EDA: variants seen among roughly 807,000 people sequenced by gnomAD.
EDA encodes ectodysplasin-A.
A neutral mutation model predicts 23.6 loss-of-function variants in EDA; 2 were observed. That is an observed-to-expected ratio of 0.08 (90% CI 0.03 to 0.27). The LOEUF is 0.27. Ranked by LOEUF, EDA falls within the 10% of genes least tolerant of loss-of-function variation. The pLI, the probability that EDA is intolerant of heterozygous loss-of-function variation, is 1.00. For missense variants in EDA, 229 were observed against 324.2 expected (o/e 0.71, Z 2.26); for synonymous variants, 131 against 132.0 (o/e 0.99, Z 0.05).
chrX:69,857,893 T>C (rs1451270773), intron 1 of EDA, among the ~76,000 whole-genome samples: 1 of 112,338 alleles, frequency 8.9e-6, no homozygotes, highest in African/African-American at 3.2e-5. Flanking sequence ...TTTGTTTGTG[T>C]ACTATGATTT....
intron 1 of EDA, among the ~76,000 whole-genome samples, chrX:69,824,100 G>C (rs2016331623): frequency 1.9e-5 from 2 of 103,161 alleles, no homozygotes; most frequent in South Asian, 9.2e-4. Context: ...GGTTACTGTA[G>C]CCTTGTAGTA....
intron 2 of EDA, among the ~76,000 whole-genome samples, chrX:70,007,487 C>T (rs897257886): frequency 3.6e-5 from 4 of 111,612 alleles, no homozygotes; most frequent in African/African-American, 9.8e-5. Flanking sequence ...GCACTCCTTT[C>T]GCCTGCCTCC....
chrX:69,909,458 G>A (rs139133879), intron 1 of EDA, among the ~76,000 whole-genome samples: 185 of 111,591 alleles, frequency 1.7e-3, no homozygotes, highest in African/African-American at 5.7e-3. Flanking sequence ...GTACCACCAC[G>A]CCCAGCATTT....
In EDA at chrX:70,038,503, G is replaced by T. The variant is rs999959521; in HGVS notation, c.*2894G>T. On this transcript the variant is annotated 3_prime_UTR_variant, in exon 8 of 8. Transcript: ENST00000374552. Reference sequence around the variant, plus strand: ...ATTTGTGGGCAAGCAGATGACAGAGGTTTGAAGGAGAATGGCATGGCAGGA... The same window carrying T: ...ATTTGTGGGCAAGCAGATGACAGAGTTTTGAAGGAGAATGGCATGGCAGGA... 1 of 110,863 alleles carries T rather than the reference G, an allele frequency of 9.0e-6. No homozygotes were observed. The allele number at this position is 110,863 out of a possible 1,213,427, so 9.1% of individuals were successfully genotyped here.
intron 1 of EDA, among the ~76,000 whole-genome samples, chrX:69,703,141 T>G (rs1034701375): frequency 1.8e-5 from 2 of 111,213 alleles, no homozygotes; most frequent in Non-Finnish European, 3.8e-5. Flanking sequence ...ATCAAATGGC[T>G]TAGAAGTGTC....
chrX:69,696,041 A>G (rs1379120363), intron 1 of EDA, among the ~76,000 whole-genome samples: 1 of 109,873 alleles, frequency 9.1e-6, no homozygotes, highest in Non-Finnish European at 1.9e-5. Flanking sequence ...GGATTTCGAG[A>G]CCAGCCTGAC....
chrX:69,655,451 T>G (rs1933275652), intron 1 of EDA, among the ~76,000 whole-genome samples: 1 of 109,918 alleles, frequency 9.1e-6, no homozygotes, highest in African/African-American at 3.3e-5. Context: ...AATCTTACAT[T>G]CCTATGCGGA....
chrX:69,788,906 C>T (rs1325428072), intron 1 of EDA, among the ~76,000 whole-genome samples: 45 of 112,722 alleles, frequency 4.0e-4, no homozygotes, highest in African/African-American at 1.3e-3. Flanking sequence ...TGCCGCCTTG[C>T]AGTTTGATCT....
intron 2 of EDA, among the ~76,000 whole-genome samples, chrX:70,016,756 G>A (rs2019956491): frequency 1.8e-5 from 2 of 111,677 alleles, no homozygotes; most frequent in African/African-American, 6.5e-5. Flanking sequence ...ACATCAAAAA[G>A]TTAGAAAGAT....
chrX:69,989,333 C>T (rs2147463646), intron 2 of EDA, among the ~76,000 whole-genome samples: 1 of 111,712 alleles, frequency 9.0e-6, no homozygotes, highest in Non-Finnish European at 1.9e-5. Flanking sequence ...AGTCAGTGCC[C>T]CACTTTGTTG....
Position 69,669,856 on chromosome X carries a change from A to G in EDA, c.396+53152A>G, listed in dbSNP as rs139519152. On this transcript the variant is annotated intron_variant, in intron 1 of 7. Coordinates refer to ENST00000374552, the MANE Select transcript of EDA (RefSeq NM_001399.5). ...CCTTCTCTAATTGTTCCCAGTTTCT[A>G]TTGTTGCTATCTTTATGTCTATGAG... is the stretch of plus-strand genomic sequence containing the variant. Among the ~76,000 whole-genome samples the G allele has an allele frequency of 4.1e-4, 45 of 111,009 alleles. No individual in the cohort carries two copies. The East Asian group carries it at 7.1e-3, about 17-fold the overall frequency.
intron 2 of EDA, among the ~76,000 whole-genome samples, chrX:69,987,300 ATTT>A (rs1276715288): frequency 1.8e-4 from 15 of 83,011 alleles, no homozygotes; most frequent in African/African-American, 2.8e-4. Context: ...AAAAAAAAAA[ATTT>A]TTTTTTTTAA....
chrX:69,617,799 A>G, intron 1 of EDA: 1 of 326,501 alleles, frequency 3.1e-6, no homozygotes, highest in South Asian at 2.9e-5. Flanking sequence ...ATTTACTGCC[A>G]CATCCAGAGT....
At chrX:69,734,645 C>T (rs2013179543) in intron 1 of EDA, among the ~76,000 whole-genome samples, 1 of 111,194 alleles carries the variant, frequency 9.0e-6, no homozygotes, top group Admixed American at 9.6e-5. Flanking sequence ...TCATTCAGAT[C>T]AAAATATTTT....
intron 1 of EDA, among the ~76,000 whole-genome samples, chrX:69,822,678 T>C (rs1174211829): frequency 8.9e-6 from 1 of 111,781 alleles, no homozygotes; most frequent in Non-Finnish European, 1.9e-5. Flanking sequence ...CCTGTTGTTA[T>C]GTTATTCTAT....
At chrX:69,904,424 C>T (rs1166250863) in intron 1 of EDA, among the ~76,000 whole-genome samples, 1 of 109,894 alleles carries the variant, frequency 9.1e-6, no homozygotes, top group African/African-American at 3.3e-5. Flanking sequence ...ATTCATGGCT[C>T]ACTGCAGCCT....
chrX:69,838,005 C>T (rs776913218), intron 1 of EDA, among the ~76,000 whole-genome samples: 1 of 112,339 alleles, frequency 8.9e-6, no homozygotes, highest in African/African-American at 3.2e-5. Context: ...TCTTTGAAAT[C>T]ACTGTTTCTT....
intron 2 of EDA, among the ~76,000 whole-genome samples, chrX:69,960,865 A>C (rs1569386409): frequency 9.2e-6 from 1 of 108,670 alleles, no homozygotes; most frequent in Admixed American, 9.9e-5. Flanking sequence ...ACAAAAAAAA[A>C]AAAAATAGCG....
intron 2 of EDA, among the ~76,000 whole-genome samples, chrX:69,962,025 G>A (rs760202441): frequency 5.3e-5 from 6 of 112,211 alleles, no homozygotes; most frequent in Non-Finnish European, 7.5e-5. Context: ...TATTTGGGAG[G>A]TCATGAGGCC....
Sources: allele counts gnomAD v4.1 joint callset (sites outside exome capture counted in the v4.1 genomes callset), GRCh38; gene constraint gnomAD v4.1.1; transcripts MANE v1.5; gene names NCBI Gene and HGNC (gene_info 2026-07-23, HGNC 2026-07-21).